CCDC170: variants seen among roughly 807,000 people sequenced by gnomAD.
CCDC170 encodes coiled-coil domain-containing protein 170.
In CCDC170, 69 loss-of-function variants were observed where a neutral mutation model predicts 72.6. The ratio of observed to expected loss-of-function variants is 0.95; its 90% CI spans 0.78 to 1.16. CCDC170 has a LOEUF of 1.16. Among genes scored for constraint, CCDC170 ranks in the 50% most tolerant of loss-of-function variants. CCDC170 has a pLI of 0.00. For missense variants in CCDC170, 852 were observed against 832.5 expected, an observed-to-expected ratio of 1.02 and a Z score of -0.29; for synonymous variants, 300 against 303.9, an observed-to-expected ratio of 0.99 and a Z score of 0.13.
chr6:151,544,636 G>A lies in CCDC170; in HGVS notation c.508G>A (p.Glu170Lys). The A allele has an allele frequency of 6.2e-7, 1 of 1,613,742 alleles. No individual in the cohort carries two copies. The highest frequency in any genetic ancestry group is 2.2e-5 in the East Asian group (1 of 44,854). Residue 170 changes from glutamate (E) to lysine (K), a missense_variant, in exon 4 of 11, where the codon GAA becomes AAA. Coordinates refer to ENST00000239374, the MANE Select transcript of CCDC170 (RefSeq NM_025059.4). ...QVSKNCRKHE[E>K]FLTQLRDCLD... is the part of the protein sequence containing the mutation. ...TTCAAAGAATTGCAGGAAACATGAGGAATTTCTGACTCAACTGCGTGACTG... is the reference window on the plus strand; with the variant it reads ...TTCAAAGAATTGCAGGAAACATGAGAAATTTCTGACTCAACTGCGTGACTG...
intron 9 of CCDC170, among the ~76,000 whole-genome samples, chr6:151,598,379 G>A (rs113577001): frequency 0.057 from 8,713 of 152,180 alleles, 303 homozygotes; most frequent in South Asian, 0.096. Flanking sequence ...TGAGGGATAT[G>A]GATGACAGCT....
intron 9 of CCDC170, among the ~76,000 whole-genome samples, chr6:151,604,237 C>A (rs1322051765): frequency 2.0e-5 from 3 of 152,180 alleles, no homozygotes; most frequent in Non-Finnish European, 4.4e-5. Flanking sequence ...CTTTCTCCAA[C>A]CCAACGAGTA....
At chr6:151,596,741 T>G in intron 9 of CCDC170, 164 bp downstream of exon 9, 1 of 931,988 alleles carries the variant, frequency 1.1e-6, no homozygotes, top group Non-Finnish European at 1.6e-6. Context: ...CAAATCAGGG[T>G]ACATATCCAT....
At chr6:151,587,550 T>C (rs1193989794) in intron 7 of CCDC170, among the ~76,000 whole-genome samples, 1 of 152,142 alleles carries the variant, frequency 6.6e-6, no homozygotes, top group Non-Finnish European at 1.5e-5. Context: ...TGCCCTAAAG[T>C]TGAAACATGT....
chr6:151,519,309 G>A (rs1782283679), intron 1 of CCDC170, among the ~76,000 whole-genome samples: 1 of 152,130 alleles, frequency 6.6e-6, no homozygotes, highest in Non-Finnish European at 1.5e-5. Flanking sequence ...CTACTTGCAT[G>A]TCCATTTATA....
At chr6:151,536,227 C>T in intron 1 of CCDC170, 91 bp from the exon 2 acceptor site, 1 of 1,431,352 alleles carries the variant, frequency 7.0e-7, no homozygotes, top group Non-Finnish European at 9.8e-7. Flanking sequence ...ACAAAGAATG[C>T]TTCTGCCTTT....
At chr6:151,544,505 G>T in intron 3 of CCDC170, 67 bp from the exon 4 acceptor site, 2 of 1,453,682 alleles carry the variant, frequency 1.4e-6, no homozygotes, top group South Asian at 1.2e-5. Context: ...CTTATATTCT[G>T]ACTTGGTTTG....
At position 151,536,388 on chromosome 6, in the gene CCDC170, A is replaced by C. The variant is rs528679889; in HGVS notation, c.128A>C (p.Gln43Pro). The change falls in exon 2 of 11, where the codon CAA (glutamine) becomes CCA (proline). Residue 43 changes from glutamine (Q) to proline (P), a missense_variant. Gln to Pro is a moderately conservative substitution (Grantham distance 76, BLOSUM62 -1). Coordinates refer to ENST00000239374, the MANE Select transcript of CCDC170 (RefSeq NM_025059.4). The stretch of plus-strand genomic sequence containing the variant: ...TTAAACCACTATCGGAATGTGGCTC[A>C]AAATGCTCGAAGTGAACTTGCAGCA... The part of the protein sequence containing the change: ...EQLNHYRNVA[Q>P]NARSELAATL... The C allele has an allele frequency of 6.2e-7, 1 of 1,614,166 alleles. No individual in the cohort carries two copies. Among genetic ancestry groups the C allele is most frequent in the African/African-American group, 1.3e-5 (1 of 75,056 alleles).
At chr6:151,514,568 T>G (rs1173144549) in intron 1 of CCDC170, among the ~76,000 whole-genome samples, 1 of 152,122 alleles carries the variant, frequency 6.6e-6, no homozygotes, top group Admixed American at 6.5e-5. Context: ...GAGACACATT[T>G]AATTTTTTCC....
intron 1 of CCDC170, among the ~76,000 whole-genome samples, chr6:151,513,959 A>AATACAATAG (rs1782190374): frequency 6.6e-6 from 1 of 151,264 alleles, no homozygotes; most frequent in Non-Finnish European, 1.5e-5. Context: ...AATGCATCAA[A>AATACAATAG]ATACAATAGA....
At chr6:151,609,560 T>G (rs1033957124) in intron 9 of CCDC170, among the ~76,000 whole-genome samples, 1 of 152,244 alleles carries the variant, frequency 6.6e-6, no homozygotes, top group Non-Finnish European at 1.5e-5. Flanking sequence ...CAAAGCACAC[T>G]TGGAACCTTC....
At chr6:151,508,401 G>T (rs1346360515) in intron 1 of CCDC170, among the ~76,000 whole-genome samples, 1 of 152,020 alleles carries the variant, frequency 6.6e-6, no homozygotes, top group Non-Finnish European at 1.5e-5. Context: ...GCCAGGCATA[G>T]TGGGGGGGCG....
intron 3 of CCDC170, among the ~76,000 whole-genome samples, chr6:151,539,379 C>T (rs1262991384): frequency 9.9e-5 from 15 of 152,194 alleles, no homozygotes; most frequent in Non-Finnish European, 2.1e-4. Context: ...GTTAAATGGT[C>T]AGTCTTATCT....
intron 1 of CCDC170, among the ~76,000 whole-genome samples, chr6:151,498,576 C>A (rs1440849041): frequency 1.3e-5 from 2 of 152,228 alleles, no homozygotes; most frequent in Non-Finnish European, 2.9e-5. Flanking sequence ...TCCTCCTCCC[C>A]ACAGCTCCTA....
At chr6:151,615,120 G>A (rs1029211504) in intron 9 of CCDC170, among the ~76,000 whole-genome samples, 1 of 152,140 alleles carries the variant, frequency 6.6e-6, no homozygotes, top group African/African-American at 2.4e-5. Flanking sequence ...AGGTGCTTTT[G>A]CTTATGGACC....
At chr6:151,514,887 A>G (rs1290273082) in intron 1 of CCDC170, among the ~76,000 whole-genome samples, 1 of 152,152 alleles carries the variant, frequency 6.6e-6, no homozygotes, top group Non-Finnish European at 1.5e-5. Flanking sequence ...CCTAATATTG[A>G]AATGCCTTCA....
At chr6:151,582,388 C>A (rs1183392641) in intron 6 of CCDC170, among the ~76,000 whole-genome samples, 8 of 152,230 alleles carry the variant, frequency 5.3e-5, no homozygotes, top group Admixed American at 5.2e-4. Flanking sequence ...TCTTCTGCAG[C>A]TTCTTCACCT....
At chr6:151,546,016 G>A (rs1331357436) in intron 4 of CCDC170, among the ~76,000 whole-genome samples, 1 of 151,952 alleles carries the variant, frequency 6.6e-6, no homozygotes, top group Non-Finnish European at 1.5e-5. Flanking sequence ...GGGCTCAAGC[G>A]GTTCTCCCAC....
chr6:151,528,663 C>A (rs1782446865), intron 1 of CCDC170, among the ~76,000 whole-genome samples: 2 of 151,984 alleles, frequency 1.3e-5, no homozygotes, highest in Non-Finnish European at 2.9e-5. Context: ...CATGGTGAAA[C>A]CCCATCTCTA....
Sources: gnomAD v4.1 joint callset for allele counts (sites outside exome capture counted in the v4.1 genomes callset) on GRCh38, gnomAD v4.1.1 for gene constraint, MANE v1.5 for transcripts, NCBI Gene and HGNC (gene_info 2026-07-23, HGNC 2026-07-21) for gene names.